SSBP2: variants seen among roughly 807,000 people sequenced by gnomAD.
The protein encoded by SSBP2 is single stranded DNA binding protein 2.
Under a neutral mutation model 61.8 loss-of-function variants are expected in SSBP2, and 17 were observed. The ratio of observed to expected loss-of-function variants is 0.28; its 90% confidence interval spans 0.19 to 0.41. SSBP2 has a LOEUF of 0.41. Among genes scored for constraint, SSBP2 ranks in the 10% least tolerant of loss-of-function variants. The pLI is 1.00. For synonymous variants in SSBP2, 139 were observed against 141.3 expected (o/e 0.98, Z 0.12); for missense variants, 310 against 458.7 (o/e 0.68, Z 2.96).
chr5:81,742,731 C>T (rs1173224876), intron 1 of SSBP2, among the ~76,000 whole-genome samples: 1 of 152,040 alleles, frequency 6.6e-6, no homozygotes, highest in Non-Finnish European at 1.5e-5. Flanking sequence ...CAAAAATTAG[C>T]CAAGTGTGGT....
chr5:81,674,700 T>A (rs1297414522), intron 1 of SSBP2, among the ~76,000 whole-genome samples: 1 of 152,100 alleles, frequency 6.6e-6, no homozygotes, highest in Non-Finnish European at 1.5e-5. Flanking sequence ...CCCTATAATT[T>A]AAAAAAACAT....
chr5:81,478,592 C>G (rs1230188752), intron 6 of SSBP2, among the ~76,000 whole-genome samples: 1 of 152,158 alleles, frequency 6.6e-6, no homozygotes, highest in Non-Finnish European at 1.5e-5. Flanking sequence ...CCGTCTCAGC[C>G]TCCCAAAGTG....
intron 1 of SSBP2, among the ~76,000 whole-genome samples, chr5:81,665,596 C>T (rs1224035523): frequency 2.6e-5 from 4 of 152,162 alleles, no homozygotes; most frequent in Non-Finnish European, 5.9e-5. Flanking sequence ...CAGGTTCAAG[C>T]GATCCTCCTG....
chr5:81,636,477 C>A, intron 3 of SSBP2, 80 bp downstream of exon 3: 1 of 1,080,622 alleles, frequency 9.3e-7, no homozygotes, highest in Non-Finnish European at 1.3e-6. Context: ...AAAAAGGAAG[C>A]ATGAAATCAT....
intron 1 of SSBP2, among the ~76,000 whole-genome samples, chr5:81,722,155 G>C (rs1755578725): frequency 6.6e-6 from 1 of 151,810 alleles, no homozygotes; most frequent in Non-Finnish European, 1.5e-5. Flanking sequence ...AAAATAAAAG[G>C]GAAATAAACA....
In SSBP2 at chr5:81,614,702, T is replaced by C. The variant is rs561735750; in HGVS notation, c.282+771A>G. Among the ~76,000 whole-genome samples the C allele has an allele frequency of 2.6e-4, 39 of 152,284 alleles. No individual in the cohort carries two copies. In the South Asian group the frequency reaches 7.5e-3, roughly 29 times the overall value. ...CTTCCTCCCAACCAAGGAAACTTGATTTCCTCCATCTTAAACTCAATCTGT... is the reference window on the plus strand; with the variant it reads ...CTTCCTCCCAACCAAGGAAACTTGACTTCCTCCATCTTAAACTCAATCTGT... On this transcript the variant is annotated intron_variant, in intron 4 of 16. Coordinates refer to ENST00000320672, the MANE Select transcript of SSBP2 (RefSeq NM_012446.5).
intron 5 of SSBP2, 61 bp downstream of exon 5, chr5:81,513,567 T>C: frequency 9.7e-7 from 1 of 1,028,916 alleles, no homozygotes; most frequent in Admixed American, 2.0e-5. Flanking sequence ...TTCGTATCTT[T>C]AATAAAATCA....
chr5:81,737,796 A>AC (rs1268684606), intron 1 of SSBP2, among the ~76,000 whole-genome samples: 1 of 151,338 alleles, frequency 6.6e-6, no homozygotes, highest in African/African-American at 2.4e-5. Context: ...TCAAAAAAAA[A>AC]AAAAAAACAA....
At chr5:81,472,298 CATG>C (rs1351448861) in intron 8 of SSBP2, among the ~76,000 whole-genome samples, 1 of 152,134 alleles carries the variant, frequency 6.6e-6, no homozygotes, top group Non-Finnish European at 1.5e-5. Context: ...AGCTAAAATG[CATG>C]ATATCCTGGA....
At chr5:81,641,619 A>G (rs1748793509) in intron 2 of SSBP2, among the ~76,000 whole-genome samples, 1 of 152,218 alleles carries the variant, frequency 6.6e-6, no homozygotes, top group Non-Finnish European at 1.5e-5. Flanking sequence ...TCTAGATACC[A>G]CTTGTTTAAA....
chr5:81,727,896 A>G (rs1755999338), intron 1 of SSBP2, among the ~76,000 whole-genome samples: 1 of 152,172 alleles, frequency 6.6e-6, no homozygotes, highest in South Asian at 2.1e-4. Flanking sequence ...AGGGTGGAGA[A>G]TAAGGGAGGA....
intron 4 of SSBP2, among the ~76,000 whole-genome samples, chr5:81,573,074 A>C (rs1368490871): frequency 6.6e-6 from 1 of 152,192 alleles, no homozygotes; most frequent in Admixed American, 6.5e-5. Context: ...ATGACATTAA[A>C]TGTTTATATC....
At chr5:81,471,827 T>G (rs1378352148) in intron 8 of SSBP2, among the ~76,000 whole-genome samples, 4 of 147,974 alleles carry the variant, frequency 2.7e-5, no homozygotes, top group South Asian at 2.1e-4. Flanking sequence ...TTTATATGGG[T>G]TTTTTTTTTC....
At chr5:81,485,805 C>T (rs1766337014) in intron 6 of SSBP2, among the ~76,000 whole-genome samples, 1 of 152,140 alleles carries the variant, frequency 6.6e-6, no homozygotes, top group South Asian at 2.1e-4. Context: ...GCTACCATGC[C>T]TGGACACATT....
chr5:81,471,505 T>A (rs924538723), intron 8 of SSBP2, among the ~76,000 whole-genome samples: 3 of 150,892 alleles, frequency 2.0e-5, no homozygotes, highest in African/African-American at 7.3e-5. Context: ...TGGAAAAAAA[T>A]CCTTTAACAG....
intron 1 of SSBP2, among the ~76,000 whole-genome samples, chr5:81,699,043 T>C (rs186018647): frequency 4.4e-4 from 67 of 152,328 alleles, no homozygotes; most frequent in African/African-American, 1.6e-3. Flanking sequence ...ACAACGCATA[T>C]AAAAGCTATG....
chr5:81,483,583 C>T (rs1452075789), intron 6 of SSBP2, among the ~76,000 whole-genome samples: 4 of 152,220 alleles, frequency 2.6e-5, no homozygotes, highest in South Asian at 2.1e-4. Flanking sequence ...AAAGTCTAAG[C>T]GACTTGCTCA....
At chr5:81,532,983 A>G (rs34414290) in intron 4 of SSBP2, among the ~76,000 whole-genome samples, 106,491 of 151,750 alleles carry the variant, frequency 0.7, 39,238 homozygotes, top group African/African-American at 0.92. Context: ...GATAGTAGAC[A>G]GAAAATTAGT....
intron 4 of SSBP2, among the ~76,000 whole-genome samples, chr5:81,577,077 A>T (rs762369248): frequency 2.6e-5 from 4 of 152,018 alleles, no homozygotes; most frequent in Admixed American, 1.3e-4. Flanking sequence ...CACATTTATG[A>T]TACATCATAT....
Sources: gnomAD v4.1 joint callset for allele counts (sites outside exome capture counted in the v4.1 genomes callset) on GRCh38, gnomAD v4.1.1 for gene constraint, MANE v1.5 for transcripts, NCBI Gene and HGNC (gene_info 2026-07-23, HGNC 2026-07-21) for gene names.